The following SEMA3A variants were observed in gnomAD, a reference collection of about 807,000 sequenced individuals.
SEMA3A encodes the protein semaphorin 3A.
SEMA3A carries 29 observed loss-of-function variants against 97.9 expected under a neutral mutation model. The ratio of observed to expected loss-of-function variants is 0.30; its 90% CI spans 0.22 to 0.40. The LOEUF is 0.40. Among genes scored for constraint, SEMA3A ranks in the 10% least tolerant of loss-of-function variants. The pLI is 1.00. For synonymous variants in SEMA3A, 321 were observed against 323.7 expected (o/e 0.99, Z 0.09); for missense variants, 763 against 951.3 (o/e 0.80, Z 2.60).
rs74297468 is a variant in SEMA3A, at chr7:84,331,709, A to G, written c.-168-24417T>C. Among the ~76,000 whole-genome samples the G allele has an allele frequency of 2.7e-3, 400 of 150,030 alleles. 15 individuals carry two copies. In the East Asian group the frequency reaches 0.069, roughly 26 times the overall value. On this transcript the variant is annotated intron_variant, in intron 2 of 3. Transcript: ENST00000424555. ...GATGTGGCTGCTGCTGCTGTTTGGGAAAAAAAAAATAACACATTTTAGACC... is the reference window on the plus strand; with the variant it reads ...GATGTGGCTGCTGCTGCTGTTTGGGGAAAAAAAAATAACACATTTTAGACC...
Position 84,344,836 on chromosome 7 carries a change from T to C in SEMA3A, c.-169+26988A>G, listed in dbSNP as rs536078717. 5.9e-5 allele frequency among the ~76,000 whole-genome samples: 9 copies of C among 152,266 alleles called. No homozygotes were observed. In the East Asian group the frequency reaches 1.7e-3, roughly 29 times the overall value. On this transcript the variant is annotated intron_variant, in intron 2 of 3. Coordinates refer to the SEMA3A transcript ENST00000424555. ...CACACTCAGCATTAAGTAGAATCCT[T>C]AGATTTACTCAAAATTCAAAACATC...
chr7:84,490,333 C>T (rs1350472246), intron 1 of SEMA3A, among the ~76,000 whole-genome samples: 4 of 151,922 alleles, frequency 2.6e-5, no homozygotes, highest in African/African-American at 4.8e-5. Flanking sequence ...TGATTTTTCG[C>T]CATTAGTGAA....
chr7:84,016,679 A>G (rs1296644110), intron 6 of SEMA3A, among the ~76,000 whole-genome samples: 1 of 152,156 alleles, frequency 6.6e-6, no homozygotes, highest in African/African-American at 2.4e-5. Flanking sequence ...TTTCAAATCG[A>G]GTTACTTCAA....
chr7:83,996,813 T>A (rs1186508469), intron 12 of SEMA3A, among the ~76,000 whole-genome samples: 1 of 152,144 alleles, frequency 6.6e-6, no homozygotes, highest in East Asian at 1.9e-4. Flanking sequence ...ATTTGGGGTA[T>A]TTTATAGCAA....
At chr7:84,061,295 A>C in intron 4 of SEMA3A, among the ~76,000 whole-genome samples, 1 of 152,174 alleles carries the variant, frequency 6.6e-6, no homozygotes, top group East Asian at 1.9e-4. Flanking sequence ...ACTACCTATA[A>C]AAAATATACA....
At chr7:84,017,366 C>T (rs1791145615) in intron 6 of SEMA3A, among the ~76,000 whole-genome samples, 1 of 152,132 alleles carries the variant, frequency 6.6e-6, no homozygotes, top group Non-Finnish European at 1.5e-5. Context: ...TATATGATAA[C>T]TACAGATGTG....
intron 1 of SEMA3A, among the ~76,000 whole-genome samples, chr7:84,382,444 A>G (rs1449444312): frequency 6.6e-6 from 1 of 151,802 alleles, no homozygotes; most frequent in Non-Finnish European, 1.5e-5. Context: ...TATTTTAGAT[A>G]TTAGTTTTTT....
At chr7:84,277,942 A>G (rs1413202027) in intron 3 of SEMA3A, among the ~76,000 whole-genome samples, 1 of 152,094 alleles carries the variant, frequency 6.6e-6, no homozygotes, top group African/African-American at 2.4e-5. Context: ...CCTCTCCCCT[A>G]AAAGCTTTTT....
chr7:84,356,644 T>A (rs975712505), intron 2 of SEMA3A, among the ~76,000 whole-genome samples: 1 of 151,966 alleles, frequency 6.6e-6, no homozygotes, highest in Non-Finnish European at 1.5e-5. Flanking sequence ...AATATGCAGT[T>A]TGAAAAGCCT....
intron 2 of SEMA3A, among the ~76,000 whole-genome samples, chr7:84,367,569 C>G (rs1802878396): frequency 6.6e-6 from 1 of 150,718 alleles, no homozygotes; most frequent in Admixed American, 6.7e-5. Context: ...CCACACAGCT[C>G]TTCCAGTTAC....
chr7:84,329,081 A>G (rs1801844581), intron 2 of SEMA3A, among the ~76,000 whole-genome samples: 2 of 151,940 alleles, frequency 1.3e-5, no homozygotes, highest in African/African-American at 4.8e-5. Flanking sequence ...TCAACCCATC[A>G]TCTACATTAA....
At chr7:84,089,429 C>T (rs1331132050) in intron 4 of SEMA3A, among the ~76,000 whole-genome samples, 1 of 151,852 alleles carries the variant, frequency 6.6e-6, no homozygotes, top group Admixed American at 6.6e-5. Context: ...TGAATAAATA[C>T]CATATGGTAA....
chr7:84,158,148 C>CTTTTTTTTTTTT (rs1187182577), intron 1 of SEMA3A, among the ~76,000 whole-genome samples: 4 of 82,290 alleles, frequency 4.9e-5, no homozygotes, highest in Admixed American at 1.7e-4. Flanking sequence ...ACAGCTAATT[C>CTTTTTTTTTTTT]TTTTTTTTTT....
chr7:84,136,272 A>G (rs1210726988), intron 1 of SEMA3A, among the ~76,000 whole-genome samples: 1 of 152,210 alleles, frequency 6.6e-6, no homozygotes, highest in Non-Finnish European at 1.5e-5. Context: ...ACATCAGGAA[A>G]CATATATTAG....
At chr7:84,137,047 A>G (rs138780142) in intron 1 of SEMA3A, among the ~76,000 whole-genome samples, 1 of 152,170 alleles carries the variant, frequency 6.6e-6, no homozygotes, top group Non-Finnish European at 1.5e-5. Flanking sequence ...GAAATAAATG[A>G]GAGCTGTTAG....
chr7:84,443,175 A>T (rs958590394), intron 1 of SEMA3A, among the ~76,000 whole-genome samples: 10 of 152,160 alleles, frequency 6.6e-5, no homozygotes, highest in African/African-American at 2.4e-4. Context: ...CAGCATATAC[A>T]TTCTTCTTAA....
chr7:84,148,397 G>A (rs924989378), intron 1 of SEMA3A, among the ~76,000 whole-genome samples: 2 of 152,066 alleles, frequency 1.3e-5, no homozygotes, highest in African/African-American at 4.8e-5. Context: ...GAAGGAGATG[G>A]GAGAGCAATG....
intron 6 of SEMA3A, among the ~76,000 whole-genome samples, chr7:84,028,909 G>A (rs1280919275): frequency 6.6e-6 from 1 of 152,180 alleles, no homozygotes; most frequent in Non-Finnish European, 1.5e-5. Flanking sequence ...GTGAGCCACA[G>A]TGCCTGACCA....
At chr7:84,449,062 A>C (rs1363216160) in intron 1 of SEMA3A, among the ~76,000 whole-genome samples, 1 of 152,232 alleles carries the variant, frequency 6.6e-6, no homozygotes, top group Admixed American at 6.5e-5. Flanking sequence ...CAGTATTTTC[A>C]ACAGATGGTG....
Sources: gnomAD v4.1 joint callset for allele counts (sites outside exome capture counted in the v4.1 genomes callset) on GRCh38, gnomAD v4.1.1 for gene constraint, MANE v1.5 for transcripts, NCBI Gene and HGNC (gene_info 2026-07-23, HGNC 2026-07-21) for gene names.